CHLSN: variants seen among roughly 807,000 people sequenced by gnomAD.
CHLSN encodes the protein cholesin, also known as protein cholesin.
the CHLSN span, among the ~76,000 whole-genome samples, chr7:1,002,583 G>A: frequency 3.3e-5 from 4 of 120,210 alleles, no homozygotes; most frequent in East Asian, 2.7e-4. Context: ...GGAGCCCTGC[G>A]GGTGAGTGGA....
the CHLSN span, among the ~76,000 whole-genome samples, chr7:1,015,413 G>A: frequency 2.6e-5 from 4 of 152,220 alleles, no homozygotes; most frequent in African/African-American, 9.6e-5. Flanking sequence ...TGGGCCATCG[G>A]AGCCCCTGCA....
At chr7:1,133,971 ACT>A in the CHLSN span, among the ~76,000 whole-genome samples, 1 of 151,620 alleles carries the variant, frequency 6.6e-6, no homozygotes. Context: ...CACGTAGCTA[ACT>A]CTTGTATTTT....
the CHLSN span, among the ~76,000 whole-genome samples, chr7:1,066,869 ACCCCAGAGG>A: frequency 8.3e-6 from 1 of 119,892 alleles, no homozygotes; most frequent in Non-Finnish European, 2.0e-5. Flanking sequence ...GCAGGAGTAC[ACCCCAGAGG>A]TGAGGGTTTG....
the CHLSN span, among the ~76,000 whole-genome samples, chr7:1,038,701 G>A: frequency 7.8e-6 from 1 of 127,884 alleles, no homozygotes; most frequent in Non-Finnish European, 1.7e-5. Context: ...GTCCGGGAGG[G>A]AGGTGGGGGG....
chr7:999,346 C>T, the CHLSN span, among the ~76,000 whole-genome samples: 2 of 152,246 alleles, frequency 1.3e-5, no homozygotes, highest in Non-Finnish European at 2.9e-5. Flanking sequence ...GGTTTCCAGG[C>T]TTCCCAGGCT....
At chr7:997,765 C>A in the CHLSN span, 1 of 1,609,168 alleles carries the variant, frequency 6.2e-7, no homozygotes, top group African/African-American at 1.3e-5. Flanking sequence ...TGCAGCCCCT[C>A]CAGGTAGGCC....
the CHLSN span, among the ~76,000 whole-genome samples, chr7:1,022,236 G>A: frequency 3.3e-5 from 5 of 152,186 alleles, no homozygotes; most frequent in African/African-American, 9.7e-5. Context: ...CCTGCGGGGA[G>A]GCATGTCCCC....
the CHLSN span, among the ~76,000 whole-genome samples, chr7:1,052,525 G>A: frequency 5.9e-5 from 9 of 152,158 alleles, no homozygotes; most frequent in South Asian, 4.2e-4. This position sits in a 1 kb window ranked among gnomAD's most constrained non-coding sequence, Gnocchi z 4.2. Context: ...AGGGCCTGGC[G>A]GAAGAAGTGG....
At chr7:997,670 C>G in the CHLSN span, 1 of 1,610,120 alleles carries the variant, frequency 6.2e-7, no homozygotes, top group South Asian at 1.1e-5. Flanking sequence ...GGGCCCTCCC[C>G]GGCAGGGGGG....
At chr7:1,097,348 G>A in the CHLSN span, among the ~76,000 whole-genome samples, 1 of 152,132 alleles carries the variant, frequency 6.6e-6, no homozygotes, top group African/African-American at 2.4e-5. This position sits in a 1 kb window ranked among gnomAD's most constrained non-coding sequence, Gnocchi z 4.3. Context: ...GAGCACGTCG[G>A]GTGACACCCA....
chr7:1,062,585 A>G, the CHLSN span, among the ~76,000 whole-genome samples: 2 of 152,140 alleles, frequency 1.3e-5, no homozygotes, highest in African/African-American at 4.8e-5. Context: ...CCTGCCCCAC[A>G]CAGGCGTTAC....
chr7:995,251 C>T, the CHLSN span, among the ~76,000 whole-genome samples: 2 of 152,232 alleles, frequency 1.3e-5, no homozygotes, highest in Non-Finnish European at 2.9e-5. Context: ...AGCCACATTC[C>T]AGGTGACTTC....
the CHLSN span, among the ~76,000 whole-genome samples, chr7:1,069,743 G>A: frequency 1.4e-4 from 10 of 70,818 alleles, no homozygotes; most frequent in South Asian, 5.4e-4. Flanking sequence ...CCAAAGTGCC[G>A]AGATTGCAGC....
At chr7:1,012,004 A>T in the CHLSN span, among the ~76,000 whole-genome samples, 2 of 152,160 alleles carry the variant, frequency 1.3e-5, no homozygotes, top group African/African-American at 4.8e-5. Flanking sequence ...GAGCCTGGTG[A>T]CTGACCGGCT....
chr7:1,016,792 G>GCAGCGCA, the CHLSN span, among the ~76,000 whole-genome samples: 3 of 67,886 alleles, frequency 4.4e-5, no homozygotes, highest in African/African-American at 1.9e-4. Flanking sequence ...ACAGCACACA[G>GCAGCGCA]CAGCACACAG....
chr7:1,055,303 G>T, the CHLSN span: 17 of 471,094 alleles, frequency 3.6e-5, no homozygotes, highest in Non-Finnish European at 6.2e-5. Flanking sequence ...GCATCCTGGG[G>T]CCCTCACACG....
the CHLSN span, chr7:983,211 C>T: frequency 2.0e-6 from 3 of 1,502,598 alleles, no homozygotes; most frequent in Admixed American, 2.1e-5. Context: ...GCCACGTCCT[C>T]ATGGCCCTGC....
At chr7:1,022,589 A>G in the CHLSN span, among the ~76,000 whole-genome samples, 7 of 152,208 alleles carry the variant, frequency 4.6e-5, no homozygotes, top group South Asian at 2.1e-4. Context: ...CAACCCTCGC[A>G]GAGTAGCCAG....
chr7:980,657 G>A, the CHLSN span, among the ~76,000 whole-genome samples: 1 of 150,008 alleles, frequency 6.7e-6, no homozygotes, highest in South Asian at 2.1e-4. Context: ...CGTTAGAGGA[G>A]TACTGTTAAT....
Sources: allele counts gnomAD v4.1 joint callset (sites outside exome capture counted in the v4.1 genomes callset), GRCh38; gene constraint gnomAD v4.1.1; non-coding constraint Gnocchi (gnomAD v3.1); transcripts MANE v1.5; gene names NCBI Gene and HGNC (gene_info 2026-07-23, HGNC 2026-07-21).